The following CNTN6 variants were observed in gnomAD, a reference collection of about 807,000 sequenced individuals.
The protein encoded by CNTN6 is contactin-6.
In CNTN6, 137 loss-of-function variants were observed where a neutral mutation model predicts 122.8. The observed-to-expected ratio is 1.12, with a 90% CI of 0.97 to 1.29. CNTN6 has a LOEUF of 1.29. CNTN6 is among the 50% of genes most tolerant of loss of function. The pLI is 0.00. For synonymous variants in CNTN6, 570 were observed against 426.0 expected (o/e 1.34, Z -4.16); for missense variants, 1,634 against 1,223.4 (o/e 1.34, Z -5.01).
intron 2 of CNTN6, chr3:1,173,336 A>T (rs2093394459): frequency 4.4e-6 from 2 of 456,134 alleles, no homozygotes; most frequent in Non-Finnish European, 8.8e-6. Context: ...TGAATGCTCC[A>T]GTAAAAACAG....
chr3:1,250,127 T>A (rs541196057), intron 4 of CNTN6, among the ~76,000 whole-genome samples: 2 of 152,314 alleles, frequency 1.3e-5, no homozygotes, highest in Admixed American at 1.3e-4. Flanking sequence ...ATATTAAAAT[T>A]AATAAAAGCT....
chr3:1,254,924 G>T (rs2094728226), intron 4 of CNTN6, among the ~76,000 whole-genome samples: 1 of 151,914 alleles, frequency 6.6e-6, no homozygotes, highest in African/African-American at 2.4e-5. Context: ...TGGTTCCTCT[G>T]GTCTTCTTGG....
Position 1,240,959 on chromosome 3 carries a change from T to G in CNTN6, c.358+12966T>G, listed in dbSNP as rs1703138. Among the ~76,000 whole-genome samples, 805 of 151,082 alleles carry G rather than the reference T, an allele frequency of 5.3e-3. 5 individuals carry two copies. Among genetic ancestry groups the G allele is most frequent in the Middle Eastern group, 6.8e-3 (2 of 292 alleles). ...AAAGGGGGTTGTTCTCTGGTGGGCA[T>G]GGGTGGATCTCACAAAGTACATTCT... On this transcript the variant is annotated intron_variant, in intron 4 of 22. Coordinates refer to ENST00000446702, the MANE Select transcript of CNTN6 (RefSeq NM_001289080.2).
rs557971171 is a variant in CNTN6, at chr3:1,390,549, A to G, written c.2704+4752A>G. Among the ~76,000 whole-genome samples the G allele has an allele frequency of 8.1e-4, 124 of 152,320 alleles. 1 individual carries two copies. The highest frequency in any genetic ancestry group is 2.9e-3 in the African/African-American group (122 of 41,570). On this transcript the variant is annotated intron_variant, in intron 20 of 22. Transcript: ENST00000446702. ...TTCAAAAGCTGGCAGAAAGAAAGAA[A>G]TAACTAAAATCAGAGCACAACTGAA...
At chr3:1,214,301 C>T (rs1338218106) in intron 2 of CNTN6, among the ~76,000 whole-genome samples, 130 of 43,980 alleles carry the variant, frequency 3.0e-3, no homozygotes, top group African/African-American at 7.1e-3. Context: ...TGTTGGATGT[C>T]TTTTTTTTTT....
At chr3:1,228,734 C>G (rs1376071551) in intron 4 of CNTN6, among the ~76,000 whole-genome samples, 1 of 152,080 alleles carries the variant, frequency 6.6e-6, no homozygotes, top group Non-Finnish European at 1.5e-5. Flanking sequence ...GCCAAGGAAC[C>G]AAAAAGTGAG....
chr3:1,371,164 T>C (rs1286464284), intron 12 of CNTN6, among the ~76,000 whole-genome samples: 2 of 152,134 alleles, frequency 1.3e-5, no homozygotes, highest in Non-Finnish European at 2.9e-5. Flanking sequence ...ACATTAATCA[T>C]TGTGAACATA....
intron 7 of CNTN6, among the ~76,000 whole-genome samples, chr3:1,299,310 G>A (rs776716263): frequency 2.6e-5 from 4 of 151,940 alleles, no homozygotes; most frequent in Non-Finnish European, 4.4e-5. Flanking sequence ...AATATTAAAT[G>A]TCATCAAATT....
rs1469997391 is a variant in CNTN6 at position 1,182,010 on chromosome 3, G to GAAACTGTGAACA, written c.55+33955_55+33956insAACAAAACTGTG. On this transcript the variant is annotated intron_variant, in intron 2 of 22. Transcript: ENST00000446702. Reference sequence around the variant, plus strand: ...ACAGAACATCTCTTCATTTTGTTCAGAAACTGTGCTTTTTTTTCTTAATCG... The same window carrying GAAACTGTGAACA: ...ACAGAACATCTCTTCATTTTGTTCAGAAACTGTGAACAAAACTGTGCTTTTTTTTCTTAATCG... Among the ~76,000 whole-genome samples the GAAACTGTGAACA allele has an allele frequency of 2.6e-5, 4 of 151,972 alleles. 1 individual carries two copies. Among genetic ancestry groups the GAAACTGTGAACA allele is most frequent in the Non-Finnish European group, 5.9e-5 (4 of 67,966 alleles).
At position 1,401,487 on chromosome 3, in the gene CNTN6, G is replaced by A; in HGVS notation, c.2759G>A (p.Cys920Tyr). 5 of 1,612,032 alleles carry A rather than the reference G, an allele frequency of 3.1e-6. No individual in the cohort carries two copies. The highest frequency in any genetic ancestry group is 4.2e-6 in the Non-Finnish European group (5 of 1,178,650). The change falls in exon 21 of 23, where the codon TGC becomes TAC. Residue 920 changes from cysteine (C) to tyrosine (Y), a missense_variant. Physicochemically the swap from Cys to Tyr is radical, Grantham distance 194. Coordinates refer to ENST00000446702, the MANE Select transcript of CNTN6 (RefSeq NM_001289080.2). ...IAWKLTNSKL[C>Y]LNWEHVKTME... ...TGGAAGCTGACAAACTCTAAATTATGCTTGAACTGGGAGCATGTAAAAACC... is the reference window on the plus strand; with the variant it reads ...TGGAAGCTGACAAACTCTAAATTATACTTGAACTGGGAGCATGTAAAAACC...
chr3:1,268,820 A>C (rs2125742964), intron 4 of CNTN6, among the ~76,000 whole-genome samples: 1 of 152,004 alleles, frequency 6.6e-6, no homozygotes, highest in African/African-American at 2.4e-5. Context: ...AAAAAAAGCC[A>C]GTTTAAAAGT....
chr3:1,204,987 A>G (rs190924815), intron 2 of CNTN6, among the ~76,000 whole-genome samples: 1 of 152,260 alleles, frequency 6.6e-6, no homozygotes, highest in Admixed American at 6.5e-5. Context: ...GGTTGCTAAT[A>G]AAGAGATTAT....
At chr3:1,261,368 A>G (rs1575463240) in intron 4 of CNTN6, among the ~76,000 whole-genome samples, 1 of 152,134 alleles carries the variant, frequency 6.6e-6, no homozygotes, top group East Asian at 1.9e-4. Flanking sequence ...ATTGGTTGTC[A>G]TTGTGGGCAA....
intron 4 of CNTN6, among the ~76,000 whole-genome samples, chr3:1,268,098 TC>T (rs1351818740): frequency 1.3e-5 from 2 of 152,210 alleles, no homozygotes; most frequent in Non-Finnish European, 2.9e-5. Context: ...GGCACTGTCC[TC>T]CCTGCAGAAC....
At chr3:1,102,930 AC>A (rs1559317003) in intron 1 of CNTN6, among the ~76,000 whole-genome samples, 1 of 150,094 alleles carries the variant, frequency 6.7e-6, no homozygotes, top group Admixed American at 6.6e-5. Context: ...ACACGGTGAA[AC>A]CCCGTCTCTA....
intron 9 of CNTN6, among the ~76,000 whole-genome samples, chr3:1,326,797 A>G (rs932643146): frequency 2.0e-5 from 3 of 151,908 alleles, no homozygotes; most frequent in African/African-American, 7.2e-5. Context: ...TGCATATAGC[A>G]TTCTGTTTCC....
At chr3:1,234,040 C>CCT (rs1366083287) in intron 4 of CNTN6, among the ~76,000 whole-genome samples, 3 of 152,096 alleles carry the variant, frequency 2.0e-5, no homozygotes, top group Non-Finnish European at 4.4e-5. Flanking sequence ...GGGTTTTACA[C>CCT]CTGCCATGCC....
intron 1 of CNTN6, among the ~76,000 whole-genome samples, chr3:1,115,951 C>T (rs998974585): frequency 1.3e-5 from 2 of 152,072 alleles, no homozygotes; most frequent in African/African-American, 4.8e-5. Context: ...ATGATAGTAG[C>T]AGTAACGTCA....
chr3:1,310,532 A>T (rs76573835), intron 7 of CNTN6, among the ~76,000 whole-genome samples: 1 of 151,834 alleles, frequency 6.6e-6, no homozygotes, highest in Admixed American at 6.6e-5. Context: ...TTTGTTGAGG[A>T]TTTTTCCATT....
Sources: gnomAD v4.1 joint callset for allele counts (sites outside exome capture counted in the v4.1 genomes callset) on GRCh38, gnomAD v4.1.1 for gene constraint, MANE v1.5 for transcripts, NCBI Gene and HGNC (gene_info 2026-07-23, HGNC 2026-07-21) for gene names.